ANAPC1: variants seen among roughly 807,000 people sequenced by gnomAD.
ANAPC1 encodes anaphase-promoting complex subunit 1.
ANAPC1 carries 36 observed loss-of-function variants against 208.0 expected under a neutral mutation model. The observed-to-expected ratio is 0.17, with a 90% CI of 0.13 to 0.23. The LOEUF (loss-of-function observed/expected upper bound fraction) is 0.23, where lower values mean the gene tolerates loss of function less well. Among genes scored for constraint, ANAPC1 ranks in the 10% least tolerant of loss-of-function variants. ANAPC1 has a pLI of 1.00. For synonymous variants in ANAPC1, 378 were observed against 695.2 expected (o/e 0.54, Z 7.18); for missense variants, 942 against 2,011.6 (o/e 0.47, Z 10.17).
chr2:111,843,336 T>G, intron 17 of ANAPC1, 76 bp downstream of exon 17: 3 of 1,465,238 alleles, frequency 2.0e-6, no homozygotes, highest in Admixed American at 1.8e-5. Context: ...TTATGTAGTC[T>G]CAATGTTATA....
At chr2:111,869,383 A>C (rs919916766) in intron 6 of ANAPC1, among the ~76,000 whole-genome samples, 3 of 152,040 alleles carry the variant, frequency 2.0e-5, no homozygotes, top group Non-Finnish European at 4.4e-5. Flanking sequence ...AGCTGGGATT[A>C]CAGGCACCTG....
intron 10 of ANAPC1, among the ~76,000 whole-genome samples, chr2:111,860,160 G>A (rs13415078): frequency 0.58 from 88,228 of 150,868 alleles, 26,661 homozygotes; most frequent in South Asian, 0.68. Context: ...TTAGTCAGGC[G>A]TGGCGGTGTG....
intron 28 of ANAPC1, among the ~76,000 whole-genome samples, chr2:111,815,082 G>A (rs1308955543): frequency 6.9e-6 from 1 of 145,808 alleles, no homozygotes; most frequent in Non-Finnish European, 1.5e-5. Context: ...ACCCACCTTC[G>A]GGTCCCCTCT....
intron 26 of ANAPC1, among the ~76,000 whole-genome samples, chr2:111,820,442 CA>C (rs1266398026): frequency 6.7e-6 from 1 of 148,314 alleles, no homozygotes; most frequent in East Asian, 2.0e-4. Flanking sequence ...CAACTTCTGT[CA>C]CTCCATCTTT....
chr2:111,773,034 A>G (rs935371010), intron 46 of ANAPC1, among the ~76,000 whole-genome samples: 1 of 152,270 alleles, frequency 6.6e-6, no homozygotes, highest in East Asian at 1.9e-4. Flanking sequence ...TCCATAAACC[A>G]CACTTTGAGA....
At chr2:111,857,293 G>C (rs1210386373) in intron 11 of ANAPC1, among the ~76,000 whole-genome samples, 1 of 113,242 alleles carries the variant, frequency 8.8e-6, no homozygotes, top group Non-Finnish European at 2.1e-5. Flanking sequence ...GGTTACCTGT[G>C]AGGGAAAAAG....
intron 38 of ANAPC1, among the ~76,000 whole-genome samples, chr2:111,792,035 T>C (rs1178572037): frequency 4.6e-5 from 7 of 152,020 alleles, no homozygotes; most frequent in Admixed American, 3.9e-4. Context: ...CGATTTTGTT[T>C]GTGACCTTTC....
At position 111,801,335 on chromosome 2, in the gene ANAPC1, C is replaced by T. The variant is rs1678433053; in HGVS notation, c.4222-464G>A. Among the ~76,000 whole-genome samples the T allele has an allele frequency of 2.0e-5, 3 of 147,340 alleles. No individual in the cohort carries two copies. The Admixed American group carries it at 2.0e-4, about 10-fold the overall frequency. ...TGGTGTCACTGCACTCCAGCCTGGG[C>T]CACAGAGTGAGACTCCATCTCATAA... On this transcript the variant is annotated intron_variant, in intron 33 of 47. Transcript: ENST00000341068.
chr2:111,828,299 C>T (rs11682030), intron 21 of ANAPC1, among the ~76,000 whole-genome samples: 102,753 of 152,012 alleles, frequency 0.68, 34,896 homozygotes, highest in African/African-American at 0.73. Context: ...TTGGCAAGAC[C>T]GTAGAGAAAT....
chr2:111,821,197 C>A (rs1178237150), intron 26 of ANAPC1, 42 bp downstream of exon 26: 4 of 1,595,148 alleles, frequency 2.5e-6, no homozygotes, highest in Non-Finnish European at 3.4e-6. Context: ...ACAAATGTAA[C>A]AATGAAACAT....
rs57903027 is a variant in ANAPC1, at chr2:111,836,648, TA to T, written c.2116-1777del. Reference sequence around the variant, plus strand: ...GGCAACAGAGTGACACCCTGTCTCTTAAAAAAAAAAAGAAAAGAAATGAAAA... The same window carrying T: ...GGCAACAGAGTGACACCCTGTCTCTTAAAAAAAAAAGAAAAGAAATGAAAA... On this transcript the variant is annotated intron_variant, in intron 18 of 47. Transcript: ENST00000341068. Among the ~76,000 whole-genome samples, 1,229 of 141,902 alleles carry T rather than the reference TA, an allele frequency of 8.7e-3. 21 individuals carry two copies. The highest frequency in any genetic ancestry group is 0.029 in the African/African-American group (1,119 of 38,562). 93.1% of individuals were successfully genotyped at this position (141,902 alleles called of 152,430 possible). A position where few individuals can be genotyped will look rare whatever the true frequency, so the allele number is the denominator to read the frequency against.
chr2:111,843,377 A>G (rs754732880), intron 17 of ANAPC1, 35 bp downstream of exon 17: 2 of 1,607,636 alleles, frequency 1.2e-6, no homozygotes, highest in Non-Finnish European at 1.7e-6. Flanking sequence ...ACATTAACAG[A>G]ATAACTCATA....
chr2:111,828,458 T>G (rs1481951414), intron 21 of ANAPC1, among the ~76,000 whole-genome samples: 1 of 152,140 alleles, frequency 6.6e-6, no homozygotes, highest in East Asian at 1.9e-4. Flanking sequence ...TAAAAAGAAC[T>G]GAAAGCAGAG....
intron 16 of ANAPC1, among the ~76,000 whole-genome samples, chr2:111,845,695 C>T (rs1681015322): frequency 6.6e-6 from 1 of 152,102 alleles, no homozygotes; most frequent in Non-Finnish European, 1.5e-5. Flanking sequence ...CCTTTTAGAG[C>T]CGGGCGCGGT....
intron 14 of ANAPC1, among the ~76,000 whole-genome samples, chr2:111,849,227 A>G (rs1448327201): frequency 1.3e-5 from 2 of 152,240 alleles, no homozygotes; most frequent in Non-Finnish European, 2.9e-5. Context: ...GCCATCAATC[A>G]GCCAATGTGT....
At chr2:111,810,527 G>T (rs896274218) in intron 28 of ANAPC1, among the ~76,000 whole-genome samples, 1 of 151,414 alleles carries the variant, frequency 6.6e-6, no homozygotes, top group African/African-American at 2.4e-5. Context: ...GCTGTGAAGT[G>T]AAAGAGTTTA....
intron 17 of ANAPC1, among the ~76,000 whole-genome samples, chr2:111,841,985 C>A (rs1680789744): frequency 6.6e-6 from 1 of 152,134 alleles, no homozygotes; most frequent in Non-Finnish European, 1.5e-5. Flanking sequence ...ACCTGGGAAC[C>A]CCTTTCCAAA....
rs1163815631 is a variant in ANAPC1, at chr2:111,825,777, C to A, written c.2704G>T (p.Ala902Ser). ...CAGAGGCAACATTGCACCAACTTAC[C>A]TATAGTTATTCTGGTTAAATACTGT... ...SSQYLTRITI[A>S]PQKLQVEQEE... Residue 902 changes from alanine (A) to serine (S), a missense_variant and splice_region_variant, in exon 22 of 48, where the codon GCC (alanine) becomes TCC (serine). Transcript: ENST00000341068. The A allele has an allele frequency of 6.2e-7, 1 of 1,612,920 alleles. No individual in the cohort carries two copies. The highest frequency in any genetic ancestry group is 1.3e-5 in the African/African-American group (1 of 75,022).
chr2:111,843,725 A>G, intron 16 of ANAPC1, 126 bp from the exon 17 acceptor site: 1 of 734,548 alleles, frequency 1.4e-6, no homozygotes, highest in Middle Eastern at 4.0e-4. Flanking sequence ...AACTGTCATT[A>G]AAGAGCCAAT....
Sources: allele counts gnomAD v4.1 joint callset (sites outside exome capture counted in the v4.1 genomes callset), GRCh38; gene constraint gnomAD v4.1.1; transcripts MANE v1.5; gene names NCBI Gene and HGNC (gene_info 2026-07-23, HGNC 2026-07-21).